Variants in NLGN1 observed in about 807,000 individuals in gnomAD.
NLGN1 encodes neuroligin 1.
NLGN1 carries 12 observed loss-of-function variants against 65.5 expected under a neutral mutation model. That is an observed-to-expected ratio of 0.18 (90% CI 0.12 to 0.30). NLGN1 has a LOEUF of 0.30. Ranked by LOEUF, NLGN1 falls within the 10% of genes least tolerant of loss-of-function variation. The pLI is 1.00. For synonymous variants in NLGN1, 350 were observed against 359.5 expected, an observed-to-expected ratio of 0.97 and a Z score of 0.30; for missense variants, 750 against 1,007.1, an observed-to-expected ratio of 0.74 and a Z score of 3.46.
chr3:173,561,843 GGA>G (rs1479791517), intron 2 of NLGN1, among the ~76,000 whole-genome samples: 2 of 152,026 alleles, frequency 1.3e-5, no homozygotes, highest in East Asian at 3.9e-4. Flanking sequence ...CCATCCAATG[GGA>G]GAGAGAAAAC....
At chr3:173,844,187 G>T (rs912162382) in intron 4 of NLGN1, among the ~76,000 whole-genome samples, 2 of 152,076 alleles carry the variant, frequency 1.3e-5, no homozygotes, top group African/African-American at 4.8e-5. Context: ...CTCCCACGGG[G>T]TCCCTCCCAC....
At chr3:174,095,798 G>T (rs1351058572) in intron 4 of NLGN1, among the ~76,000 whole-genome samples, 1 of 151,734 alleles carries the variant, frequency 6.6e-6, no homozygotes, top group Non-Finnish European at 1.5e-5. Flanking sequence ...TCAGGAGTTC[G>T]AGACCAGCCT....
At chr3:173,639,864 C>T (rs976280810) in intron 3 of NLGN1, among the ~76,000 whole-genome samples, 4 of 152,098 alleles carry the variant, frequency 2.6e-5, no homozygotes, top group African/African-American at 9.7e-5. Flanking sequence ...CTTCTTCCTT[C>T]CTTTCTTTCT....
chr3:174,201,517 T>C (rs1734497962), intron 4 of NLGN1, among the ~76,000 whole-genome samples: 1 of 28,488 alleles, frequency 3.5e-5, no homozygotes, highest in Admixed American at 3.9e-4. Flanking sequence ...CTCTGCCTTC[T>C]CTTTCCTGTA....
chr3:173,845,459 GTA>G (rs1453065483), intron 4 of NLGN1, among the ~76,000 whole-genome samples: 1 of 152,152 alleles, frequency 6.6e-6, no homozygotes, highest in Non-Finnish European at 1.5e-5. Context: ...ACACTCAGAA[GTA>G]TCTTAATGCA....
chr3:173,766,537 A>G (rs868613333), intron 3 of NLGN1, among the ~76,000 whole-genome samples: 8 of 152,266 alleles, frequency 5.3e-5, no homozygotes, highest in African/African-American at 1.9e-4. Context: ...CCCTGACTAT[A>G]TTAGGTATGT....
chr3:173,893,629 C>T (rs1188453085), intron 4 of NLGN1, among the ~76,000 whole-genome samples: 3 of 152,182 alleles, frequency 2.0e-5, no homozygotes. Flanking sequence ...ACTTTCAGAT[C>T]TTCACCTTGT....
At chr3:173,702,225 C>A (rs1367102473) in intron 3 of NLGN1, among the ~76,000 whole-genome samples, 3 of 134,944 alleles carry the variant, frequency 2.2e-5, no homozygotes, top group East Asian at 2.1e-4. Context: ...GGCGACAGAG[C>A]GAGACTCCGT....
chr3:173,523,608 G>T (rs930376200), intron 2 of NLGN1, among the ~76,000 whole-genome samples: 5 of 151,548 alleles, frequency 3.3e-5, no homozygotes, highest in African/African-American at 1.2e-4. Context: ...TGTTCCGTTG[G>T]TCTGTGTGTC....
rs139424982 is a variant in NLGN1, at chr3:173,997,265, G to A, written c.646+189433G>A. ...ACTTTTGTGCAAAATGGTGATGATG[G>A]AGGAACAATGTTCCCACCACACCCA... On this transcript the variant is annotated intron_variant, in intron 4 of 6. Transcript: ENST00000457714. Among the ~76,000 whole-genome samples the A allele has an allele frequency of 1.0e-2, 1,514 of 152,024 alleles. 19 individuals are homozygous for A. Among genetic ancestry groups the A allele is most frequent in the African/African-American group, 0.023 (964 of 41,460 alleles).
chr3:173,680,830 T>A (rs1483531915), intron 3 of NLGN1, among the ~76,000 whole-genome samples: 1 of 152,144 alleles, frequency 6.6e-6, no homozygotes, highest in Non-Finnish European at 1.5e-5. Flanking sequence ...AACAGAACGT[T>A]CTGAACAAAG....
chr3:173,412,704 A>G (rs1041745944), intron 1 of NLGN1, among the ~76,000 whole-genome samples: 1 of 152,184 alleles, frequency 6.6e-6, no homozygotes, highest in Non-Finnish European at 1.5e-5. Flanking sequence ...GAATTGCTAT[A>G]GTTCTTCTTT....
intron 2 of NLGN1, among the ~76,000 whole-genome samples, chr3:173,467,294 G>T (rs1379589002): frequency 6.6e-6 from 1 of 151,696 alleles, no homozygotes; most frequent in East Asian, 1.9e-4. Context: ...TATACATATT[G>T]TTATCGATAG....
At chr3:173,753,940 T>TAAC (rs1265899916) in intron 3 of NLGN1, among the ~76,000 whole-genome samples, 1 of 127,222 alleles carries the variant, frequency 7.9e-6, no homozygotes, top group Non-Finnish European at 1.6e-5. Flanking sequence ...TAATATAATA[T>TAAC]AATAATAATA....
At chr3:174,202,349 A>G (rs1387386764) in intron 4 of NLGN1, among the ~76,000 whole-genome samples, 1 of 151,668 alleles carries the variant, frequency 6.6e-6, no homozygotes, top group African/African-American at 2.4e-5. Context: ...ATAGGATCCA[A>G]TTATCTGCTA....
intron 4 of NLGN1, among the ~76,000 whole-genome samples, chr3:173,888,262 G>A (rs1734718618): frequency 1.3e-5 from 2 of 151,874 alleles, no homozygotes; most frequent in South Asian, 2.1e-4. Context: ...GGACCCCAGA[G>A]ATACCAAAAT....
chr3:174,073,628 C>T (rs2152538101), intron 4 of NLGN1, among the ~76,000 whole-genome samples: 1 of 152,242 alleles, frequency 6.6e-6, no homozygotes, highest in South Asian at 2.1e-4. Context: ...TCTAATGAAA[C>T]TCTTAATTTA....
intron 3 of NLGN1, among the ~76,000 whole-genome samples, chr3:173,785,416 G>T (rs908661738): frequency 6.6e-6 from 1 of 151,914 alleles, no homozygotes; most frequent in Non-Finnish European, 1.5e-5. Flanking sequence ...GGTTGGGTTC[G>T]TTGTTTTATC....
rs530292550 is a variant in NLGN1 at position 173,658,383 on chromosome 3, G to A, written c.493+53292G>A. 4.6e-5 allele frequency among the ~76,000 whole-genome samples: 7 copies of A among 152,094 alleles called. No homozygotes were observed. The East Asian group carries it at 1.4e-3, about 29-fold the overall frequency. ...TAGCTTGGGATAGACAAGTTTTGAAGAGAATTAAGAACAGCAGTTGTGCTT... is the reference window on the plus strand; with the variant it reads ...TAGCTTGGGATAGACAAGTTTTGAAAAGAATTAAGAACAGCAGTTGTGCTT... On this transcript the variant is annotated intron_variant, in intron 3 of 6. Coordinates refer to ENST00000457714, the Ensembl canonical transcript of NLGN1.
Sources: allele counts gnomAD v4.1 joint callset (sites outside exome capture counted in the v4.1 genomes callset), GRCh38; gene constraint gnomAD v4.1.1; transcripts MANE v1.5; gene names NCBI Gene and HGNC (gene_info 2026-07-23, HGNC 2026-07-21).